The following MACF1 variants were observed in gnomAD, a reference collection of about 807,000 sequenced individuals.
MACF1 encodes microtubule-actin cross-linking factor 1.
In MACF1, 193 loss-of-function variants were observed where a neutral mutation model predicts 854.8. The ratio of observed to expected loss-of-function variants is 0.23; its 90% CI spans 0.20 to 0.25. The LOEUF (loss-of-function observed/expected upper bound fraction) is 0.25, where lower values mean the gene tolerates loss of function less well. MACF1 is among the 10% of genes least tolerant of loss of function. The pLI, the probability that MACF1 is intolerant of heterozygous loss-of-function variation, is 1.00. For missense variants in MACF1, 7,722 were observed against 8,929.1 expected (o/e 0.86, Z 5.45); for synonymous variants, 3,185 against 3,226.7 (o/e 0.99, Z 0.44).
intron 49 of MACF1, among the ~76,000 whole-genome samples, chr1:39,364,918 C>A (rs550806776): frequency 1.3e-5 from 2 of 152,214 alleles, no homozygotes; most frequent in South Asian, 4.1e-4. Flanking sequence ...ATGCTTTATT[C>A]TAAAACTTGT....
rs1283300551 is a variant in MACF1 at position 39,336,650 on chromosome 1, T to G, written c.10062T>G (p.Thr3354=). Residue 3354 remains threonine, a synonymous_variant, in exon 37 of 101, where the codon ACT becomes ACG. Coordinates refer to ENST00000564288, the MANE Select transcript of MACF1 (RefSeq NM_001394062.1). ...GGVNPEPFRA[T]QNVFTRQLCL... ...TAAACCCAGAGCCCTTCAGAGCAAC[T>G]CAGGTCAGTGGTGTGCTTTTTTTTT... 6.3e-7 allele frequency: 1 copy of G among 1,586,058 alleles called. No individual in the cohort carries two copies. The highest frequency in any genetic ancestry group is 8.5e-7 in the Non-Finnish European group (1 of 1,172,372).
chr1:39,139,169 T>G (rs1053596508), intron 2 of MACF1, among the ~76,000 whole-genome samples: 3 of 152,204 alleles, frequency 2.0e-5, no homozygotes, highest in African/African-American at 7.2e-5. Context: ...CTAAAACTAA[T>G]TTTAATCAAC....
In MACF1 at chr1:39,334,386, AAAG is replaced by A. The variant is rs1646776802; in HGVS notation, c.7802_7804del (p.Glu2601del). 3.7e-6 allele frequency: 6 copies of A among 1,614,040 alleles called. No individual in the cohort carries two copies. Among genetic ancestry groups the A allele is most frequent in the Admixed American group, 1.7e-5 (1 of 60,000 alleles). ...GAGATTGACCTTGGCAGAAGCTAAA[AAAG>A]AAGGACTGTTAACTAATGAAGCAGT... On this transcript the variant is annotated inframe_deletion, in exon 37 of 101. Coordinates refer to ENST00000564288, the MANE Select transcript of MACF1 (RefSeq NM_001394062.1).
chr1:39,400,422 T>C (rs1642431188), intron 58 of MACF1, among the ~76,000 whole-genome samples: 1 of 152,208 alleles, frequency 6.6e-6, no homozygotes, highest in South Asian at 2.1e-4. Context: ...CACTAGATGA[T>C]AATATGCTTT....
rs765228680 is a variant in MACF1, at chr1:39,353,166, A to G, written c.11359A>G (p.Thr3787Ala). 4.0e-5 allele frequency: 65 copies of G among 1,613,618 alleles called. No individual in the cohort carries two copies. Among genetic ancestry groups the G allele is most frequent in the Non-Finnish European group, 5.1e-5 (60 of 1,179,612 alleles). The change falls in exon 44 of 101, where the codon ACT (threonine) becomes GCT (alanine). Residue 3787 changes from threonine to alanine, a missense_variant. Thr to Ala is a moderately conservative substitution (Grantham distance 58). Coordinates refer to ENST00000564288, the MANE Select transcript of MACF1 (RefSeq NM_001394062.1). ...CTTGGAGAAAGGAGCCTTGGACACC[A>G]CTGATGGTTACATGGGGGTGAATCA... is the stretch of plus-strand genomic sequence containing the variant. ...ASLEKGALDT[T>A]DGYMGVNQAP...
intron 36 of MACF1, among the ~76,000 whole-genome samples, chr1:39,329,321 G>C (rs1312051654): frequency 1.3e-5 from 2 of 152,110 alleles, no homozygotes; most frequent in Admixed American, 6.5e-5. Context: ...TATTCTTATT[G>C]TATGCACCTC....
rs112365572 is a variant in MACF1, at chr1:39,178,890, T to A, written c.221-52292T>A. The stretch of plus-strand genomic sequence containing the variant: ...GACTTAATGCGTATTGAAAGTTTCT[T>A]TCTGCTTTATTGTCAGCCTTAGCCG... On this transcript the variant is annotated intron_variant, in intron 2 of 93. Coordinates refer to the MACF1 transcript ENST00000361689. Among the ~76,000 whole-genome samples, 782 of 152,332 alleles carry A rather than the reference T, an allele frequency of 5.1e-3. 7 individuals carry two copies. The highest frequency in any genetic ancestry group is 0.017 in the African/African-American group (723 of 41,576).
At chr1:39,393,181 T>TTA (rs1292226876) in intron 58 of MACF1, among the ~76,000 whole-genome samples, 2 of 90,266 alleles carry the variant, frequency 2.2e-5, no homozygotes, top group African/African-American at 9.8e-5. Context: ...CTGGGAAGGG[T>TTA]AAAAAAAAAA....
At chr1:39,324,117 A>G (rs1646566144) in intron 33 of MACF1, 76 bp from the exon 34 acceptor site, 6 of 1,450,624 alleles carry the variant, frequency 4.1e-6, no homozygotes, top group Non-Finnish European at 5.6e-6. Context: ...GGAAGACTTC[A>G]TTTAAGAAAA....
chr1:39,236,745 T>C (rs1303581056), intron 2 of MACF1, among the ~76,000 whole-genome samples: 2 of 152,156 alleles, frequency 1.3e-5, no homozygotes, highest in Non-Finnish European at 2.9e-5. Flanking sequence ...CACTGCAACC[T>C]CTGCCTCCTG....
chr1:39,334,817 A>G lies in MACF1; in HGVS notation c.8229A>G (p.Val2743=). 1 of 1,614,188 alleles carries G rather than the reference A, an allele frequency of 6.2e-7. No homozygotes were observed. Among genetic ancestry groups the G allele is most frequent in the Non-Finnish European group, 8.5e-7 (1 of 1,180,012 alleles). Residue 2743 remains valine (V), a synonymous_variant, in exon 37 of 101, where the codon GTA becomes GTG. Coordinates refer to ENST00000564288, the MANE Select transcript of MACF1 (RefSeq NM_001394062.1). The part of the protein sequence containing the change: ...DIFSDQRVTL[V]EAIEKRLISP... Reference sequence around the variant, plus strand: ...TTAGTGATCAGAGAGTGACTTTAGTAGAAGCTATTGAGAAAAGACTGATCA... The same window carrying G: ...TTAGTGATCAGAGAGTGACTTTAGTGGAAGCTATTGAGAAAAGACTGATCA...
intron 2 of MACF1, among the ~76,000 whole-genome samples, chr1:39,127,490 G>C (rs902059299): frequency 3.3e-5 from 5 of 152,162 alleles, no homozygotes; most frequent in Admixed American, 6.5e-5. Context: ...TTTTGCAGAG[G>C]AGAAAAGTGG....
chr1:39,322,222 G>A (rs549188025), intron 31 of MACF1, among the ~76,000 whole-genome samples: 4 of 152,298 alleles, frequency 2.6e-5, no homozygotes, highest in African/African-American at 9.6e-5. Flanking sequence ...CAACTAAGGC[G>A]TGAGCAAACT....
intron 58 of MACF1, chr1:39,410,418 G>C (rs1642936720): frequency 6.2e-7 from 1 of 1,614,016 alleles, no homozygotes; most frequent in Non-Finnish European, 8.5e-7. Flanking sequence ...TTGACCAGGG[G>C]TCAAAGCTTA....
At chr1:39,269,126 C>G (rs1645272347) in intron 6 of MACF1, 1 of 1,289,684 alleles carries the variant, frequency 7.8e-7, no homozygotes, top group East Asian at 5.6e-5. Flanking sequence ...GGATGACTGT[C>G]ATTGCTCACC....
At chr1:39,234,285 G>T (rs1444628263) in intron 2 of MACF1, among the ~76,000 whole-genome samples, 1 of 151,982 alleles carries the variant, frequency 6.6e-6, no homozygotes, top group Non-Finnish European at 1.5e-5. Context: ...ATCCTGGCCC[G>T]TTCTCAATGA....
chr1:39,463,439 G>A (rs187398059), intron 93 of MACF1, among the ~76,000 whole-genome samples, 173 bp from the exon 94 acceptor site: 170 of 150,930 alleles, frequency 1.1e-3, no homozygotes, highest in Admixed American at 9.4e-3. Flanking sequence ...TGGTGGAGCC[G>A]AGATCGCACC....
At chr1:39,132,316 G>T (rs569860968) in intron 2 of MACF1, among the ~76,000 whole-genome samples, 3 of 152,108 alleles carry the variant, frequency 2.0e-5, no homozygotes, top group Admixed American at 6.6e-5. Flanking sequence ...ACCTGTAGCT[G>T]TTGGAAAAGG....
At chr1:39,251,012 G>GTAGT (rs933086957) in intron 3 of MACF1, among the ~76,000 whole-genome samples, 51 of 152,292 alleles carry the variant, frequency 3.3e-4, no homozygotes, top group African/African-American at 1.2e-3. Flanking sequence ...TATAGCTCAA[G>GTAGT]TAGTCTGTGA....
Sources: gnomAD v4.1 joint callset for allele counts (sites outside exome capture counted in the v4.1 genomes callset) on GRCh38, gnomAD v4.1.1 for gene constraint, MANE v1.5 for transcripts, NCBI Gene and HGNC (gene_info 2026-07-23, HGNC 2026-07-21) for gene names.